The following RAVER2 variants were observed in gnomAD, a reference collection of about 807,000 sequenced individuals.
RAVER2 encodes the protein ribonucleoprotein, PTB binding 2, also known as ribonucleoprotein PTB-binding 2.
A neutral mutation model predicts 78.1 loss-of-function variants in RAVER2; 46 were observed. That is an observed-to-expected ratio of 0.59 (90% CI 0.46 to 0.75). The LOEUF (loss-of-function observed/expected upper bound fraction) is 0.75. Among genes scored for constraint, RAVER2 ranks in the 30% least tolerant of loss-of-function variants. The probability of loss-of-function intolerance (pLI) is 0.00; values close to 1 mark genes in which losing one functional copy is unlikely to be tolerated. For synonymous variants in RAVER2, 311 were observed against 313.3 expected (o/e 0.99, Z 0.08); for missense variants, 793 against 837.5 (o/e 0.95, Z 0.66).
intron 2 of RAVER2, among the ~76,000 whole-genome samples, chr1:64,769,065 A>G (rs767015062): frequency 6.6e-6 from 1 of 152,012 alleles, no homozygotes; most frequent in Non-Finnish European, 1.5e-5. Flanking sequence ...GGGGAAATTG[A>G]GAAACTCATT....
At chr1:64,792,243 G>C (rs1003005035) in intron 5 of RAVER2, among the ~76,000 whole-genome samples, 3 of 152,100 alleles carry the variant, frequency 2.0e-5, no homozygotes, top group African/African-American at 7.2e-5. Context: ...CCCACAAGTT[G>C]TTCTCTTGTG....
intron 3 of RAVER2, among the ~76,000 whole-genome samples, chr1:64,778,954 TG>T (rs1270781904): frequency 6.8e-6 from 1 of 147,888 alleles, no homozygotes; most frequent in Non-Finnish European, 1.5e-5. Flanking sequence ...TATCTATATA[TG>T]TATATAAATA....
At chr1:64,788,717 G>A (rs1308733263) in intron 4 of RAVER2, among the ~76,000 whole-genome samples, 6 of 148,878 alleles carry the variant, frequency 4.0e-5, no homozygotes, top group African/African-American at 7.4e-5. Context: ...TCATGAACCC[G>A]GGAGGCGGAG....
At chr1:64,770,789 T>C (rs887398795) in intron 2 of RAVER2, among the ~76,000 whole-genome samples, 4 of 151,926 alleles carry the variant, frequency 2.6e-5, no homozygotes, top group African/African-American at 7.2e-5. Flanking sequence ...AATTACAACA[T>C]CTGACATGAA....
intron 11 of RAVER2, among the ~76,000 whole-genome samples, chr1:64,821,343 G>A (rs572404275): frequency 6.6e-6 from 1 of 152,216 alleles, no homozygotes; most frequent in Admixed American, 6.5e-5. Context: ...CTCCCATTCT[G>A]TAGATTGTCT....
intron 1 of RAVER2, among the ~76,000 whole-genome samples, chr1:64,759,896 A>T (rs140233597): frequency 1.5e-3 from 234 of 152,326 alleles, no homozygotes; most frequent in African/African-American, 5.3e-3. Flanking sequence ...AAGATGCAGC[A>T]TTAGAGTTGA....
chr1:64,805,741 AT>A (rs1056180656), intron 8 of RAVER2, among the ~76,000 whole-genome samples: 2 of 152,200 alleles, frequency 1.3e-5, no homozygotes, highest in African/African-American at 4.8e-5. Flanking sequence ...GCCACCAATA[AT>A]TTAAAAAAAA....
intron 2 of RAVER2, among the ~76,000 whole-genome samples, chr1:64,774,445 A>C (rs1253766914): frequency 6.6e-6 from 1 of 152,200 alleles, no homozygotes; most frequent in Admixed American, 6.5e-5. Context: ...TCCTTTCCCC[A>C]TCGCTTGTTT....
chr1:64,790,168 A>G (rs1652896569), intron 5 of RAVER2, among the ~76,000 whole-genome samples: 2 of 152,190 alleles, frequency 1.3e-5, no homozygotes, highest in African/African-American at 2.4e-5. Flanking sequence ...CCCCTTATCT[A>G]TGTTCTTGTG....
In RAVER2 at chr1:64,745,605, G is replaced by A. The variant is rs1297150369; in HGVS notation, c.249+184G>A. Reference sequence around the variant, plus strand: ...TAGCCTGCAGACGCCCTGCCAGGGAGGGGGGCAGATTGGGAAACTGAGGCT... The same window carrying A: ...TAGCCTGCAGACGCCCTGCCAGGGAAGGGGGCAGATTGGGAAACTGAGGCT... On this transcript the variant is annotated intron_variant, in intron 1 of 11. Transcript: ENST00000294428. The surrounding 1 kb of genome is among the most constrained non-coding windows in gnomAD (Gnocchi z 4.3). 6.6e-6 allele frequency among the ~76,000 whole-genome samples: 1 copy of A among 152,136 alleles called. No homozygotes were observed. Among genetic ancestry groups the A allele is most frequent in the East Asian group, 1.9e-4 (1 of 5,156 alleles).
chr1:64,787,274 T>C (rs776843584), intron 4 of RAVER2, among the ~76,000 whole-genome samples: 2 of 152,228 alleles, frequency 1.3e-5, no homozygotes, highest in African/African-American at 4.8e-5. Flanking sequence ...TTCTTTTGAA[T>C]GTATGAATAT....
intron 11 of RAVER2, among the ~76,000 whole-genome samples, chr1:64,824,650 C>T (rs563944811): frequency 6.6e-6 from 1 of 152,182 alleles, no homozygotes; most frequent in Non-Finnish European, 1.5e-5. Flanking sequence ...TGTATTTCGG[C>T]TGGGCGGGGT....
intron 11 of RAVER2, among the ~76,000 whole-genome samples, chr1:64,827,393 G>T (rs188715735): frequency 6.6e-5 from 10 of 152,142 alleles, no homozygotes; most frequent in Admixed American, 2.0e-4. Flanking sequence ...AGGGGCCTCC[G>T]TTGAAGTTAT....
rs1651503142 is a variant in RAVER2, at chr1:64,745,482, C to G, written c.249+61C>G. 1.4e-6 allele frequency: 2 copies of G among 1,460,080 alleles called. No individual in the cohort carries two copies. Among genetic ancestry groups the G allele is most frequent in the Non-Finnish European group, 1.8e-6 (2 of 1,093,368 alleles). 90.4% of individuals were successfully genotyped at this position (1,460,080 alleles called of 1,614,324 possible). Reference sequence around the variant, plus strand: ...GGGCGGCGGGGCGGCGCTCCGTGTCCAGGCTGGGATCGGGGGCGCCTCAGA... The same window carrying G: ...GGGCGGCGGGGCGGCGCTCCGTGTCGAGGCTGGGATCGGGGGCGCCTCAGA... On this transcript the variant is annotated intron_variant, in intron 1 of 11. Transcript: ENST00000294428. The surrounding 1 kb of genome is among the most constrained non-coding windows in gnomAD (Gnocchi z 4.3).
chr1:64,819,420 A>G (rs906273556), intron 11 of RAVER2, among the ~76,000 whole-genome samples: 1 of 152,138 alleles, frequency 6.6e-6, no homozygotes, highest in Non-Finnish European at 1.5e-5. Context: ...CATGAAGACA[A>G]CTCAATCTGA....
At chr1:64,762,949 A>G (rs1652061377) in intron 1 of RAVER2, among the ~76,000 whole-genome samples, 1 of 152,214 alleles carries the variant, frequency 6.6e-6, no homozygotes, top group East Asian at 1.9e-4. Context: ...TAGGCAAACC[A>G]CAGGCTAGAT....
In RAVER2 at chr1:64,745,341, C is replaced by T. The variant is rs1469823946; in HGVS notation, c.169C>T (p.Arg57Ter). The change falls in exon 1 of 12, where the codon CGA (arginine) becomes TGA (stop). Residue 57 changes from arginine to a stop codon, truncating the protein, a stop_gained. Coordinates refer to ENST00000294428, the Ensembl canonical transcript of RAVER2. LOFTEE classifies it high-confidence loss of function. This position sits in a 1 kb window ranked among gnomAD's most constrained non-coding sequence, Gnocchi z 4.3. ...GCTGCACCCTGAGGAGGTCGCCGCGCGACTGCAGCGGATGCAGCGGGAGCT... is the reference window on the plus strand; with the variant it reads ...GCTGCACCCTGAGGAGGTCGCCGCGTGACTGCAGCGGATGCAGCGGGAGCT... 1 of 1,540,602 alleles carries T rather than the reference C, an allele frequency of 6.5e-7. No homozygotes were observed. Among genetic ancestry groups the T allele is most frequent in the East Asian group, 2.5e-5 (1 of 39,882 alleles).
intron 2 of RAVER2, among the ~76,000 whole-genome samples, chr1:64,769,964 C>T (rs779858146): frequency 3.3e-5 from 5 of 151,842 alleles, no homozygotes; most frequent in East Asian, 1.9e-4. Context: ...TTTGGGTTAA[C>T]GCAACATTGT....
At chr1:64,807,108 T>A in intron 8 of RAVER2, 98 bp from the exon 9 acceptor site, 1 of 1,372,706 alleles carries the variant, frequency 7.3e-7, no homozygotes, top group Non-Finnish European at 9.7e-7. Context: ...ACAAAATTGG[T>A]TTCTCTGCAT....
Sources: gnomAD v4.1 joint callset for allele counts (sites outside exome capture counted in the v4.1 genomes callset) on GRCh38, gnomAD v4.1.1 for gene constraint, Gnocchi (gnomAD v3.1) non-coding constraint, MANE v1.5 for transcripts, NCBI Gene and HGNC (gene_info 2026-07-23, HGNC 2026-07-21) for gene names.